The following SEMA3A variants were observed in gnomAD, a reference collection of about 807,000 sequenced individuals.
The protein encoded by SEMA3A is semaphorin 3A.
In SEMA3A, 29 loss-of-function variants were observed where a neutral mutation model predicts 97.9. That is an observed-to-expected ratio of 0.30 (90% CI 0.22 to 0.40). The LOEUF (loss-of-function observed/expected upper bound fraction) is 0.40, where lower values mean the gene tolerates loss of function less well. Ranked by LOEUF, SEMA3A falls within the 10% of genes least tolerant of loss-of-function variation. The pLI is 1.00. For missense variants in SEMA3A, 763 were observed against 951.3 expected, an observed-to-expected ratio of 0.80 and a Z score of 2.60; for synonymous variants, 321 against 323.7, an observed-to-expected ratio of 0.99 and a Z score of 0.09.
At chr7:84,340,624 CA>C (rs551936236) in intron 2 of SEMA3A, among the ~76,000 whole-genome samples, 1 of 151,234 alleles carries the variant, frequency 6.6e-6, no homozygotes, top group Non-Finnish European at 1.5e-5. Context: ...ACTAAAAATA[CA>C]AAAAATTAGC....
chr7:84,330,645 T>C (rs1801887958), intron 2 of SEMA3A, among the ~76,000 whole-genome samples: 1 of 152,158 alleles, frequency 6.6e-6, no homozygotes, highest in Non-Finnish European at 1.5e-5. Flanking sequence ...ATTGACTTTC[T>C]ATCACTTTTT....
chr7:84,180,050 G>T (rs1035154113), intron 1 of SEMA3A, among the ~76,000 whole-genome samples: 3 of 148,358 alleles, frequency 2.0e-5, no homozygotes, highest in Admixed American at 6.8e-5. Context: ...GGGTTCAAGC[G>T]ATTCTCCTGC....
intron 1 of SEMA3A, among the ~76,000 whole-genome samples, chr7:84,418,691 A>C (rs1804501079): frequency 6.6e-6 from 1 of 151,890 alleles, no homozygotes; most frequent in African/African-American, 2.4e-5. Flanking sequence ...GTACTCTGGC[A>C]CTTGTACCAG....
intron 1 of SEMA3A, among the ~76,000 whole-genome samples, chr7:84,142,856 C>T (rs997407824): frequency 7.9e-5 from 12 of 152,080 alleles, no homozygotes; most frequent in Non-Finnish European, 1.5e-4. Context: ...TCTCAGAGTC[C>T]GCATGACTTA....
intron 3 of SEMA3A, among the ~76,000 whole-genome samples, chr7:84,225,692 G>A (rs1798975020): frequency 6.6e-6 from 1 of 152,082 alleles, no homozygotes; most frequent in Middle Eastern, 3.2e-3. Context: ...TCATCTCACG[G>A]AGGCAACACA....
intron 1 of SEMA3A, among the ~76,000 whole-genome samples, chr7:84,401,081 T>C (rs895337617): frequency 6.6e-6 from 1 of 152,176 alleles, no homozygotes; most frequent in Non-Finnish European, 1.5e-5. Flanking sequence ...GAAGTCAAAT[T>C]GTCCTTGCAG....
intron 6 of SEMA3A, among the ~76,000 whole-genome samples, chr7:84,027,200 C>G (rs1220989807): frequency 1.3e-5 from 2 of 152,130 alleles, no homozygotes; most frequent in African/African-American, 4.8e-5. Context: ...TCTCTGCTAC[C>G]TAGTCCCTGG....
chr7:83,960,782 A>G lies in SEMA3A; in HGVS notation c.*589T>C, dbSNP rs1788433358. On this transcript the variant is annotated 3_prime_UTR_variant, in exon 17 of 17. Transcript: ENST00000265362. Reference sequence around the variant, plus strand: ...AGCTGAAAGAAGACATCAGTAGTAGATCAGTGTATTCCATTTTTCTTCTGG... The same window carrying G: ...AGCTGAAAGAAGACATCAGTAGTAGGTCAGTGTATTCCATTTTTCTTCTGG... The G allele has an allele frequency of 6.5e-6, 1 of 153,824 alleles. No homozygotes were observed. The highest frequency in any genetic ancestry group is 1.4e-5 in the Non-Finnish European group (1 of 69,030). 9.5% of individuals were successfully genotyped at this position (153,824 alleles called of 1,614,324 possible). A position where few individuals can be genotyped will look rare whatever the true frequency, so the allele number is the denominator to read the frequency against.
At chr7:84,191,241 A>T (rs190549425) in intron 1 of SEMA3A, among the ~76,000 whole-genome samples, 1 of 149,628 alleles carries the variant, frequency 6.7e-6, no homozygotes. Context: ...AAAAAAAAAA[A>T]CAACTTTAGA....
At chr7:84,424,761 T>C (rs1253005677) in intron 1 of SEMA3A, among the ~76,000 whole-genome samples, 3 of 100,964 alleles carry the variant, frequency 3.0e-5, no homozygotes, top group Non-Finnish European at 5.2e-5. Flanking sequence ...ATATTACATA[T>C]TTAGATATAA....
rs1001957271 is a variant in SEMA3A, at chr7:84,246,617, T to A, written c.-82-51949A>T. On this transcript the variant is annotated intron_variant, in intron 3 of 3. Transcript: ENST00000424555. Reference sequence around the variant, plus strand: ...AGTAATCATATAAATGCAAATGAACTAATAATTGCTACTAATTTGTCAAAA... The same window carrying A: ...AGTAATCATATAAATGCAAATGAACAAATAATTGCTACTAATTTGTCAAAA... 3.3e-5 allele frequency among the ~76,000 whole-genome samples: 5 copies of A among 152,262 alleles called. 1 individual carries two copies. The highest frequency in any genetic ancestry group is 1.2e-4 in the African/African-American group (5 of 41,578).
chr7:83,971,775 A>T (rs577319721), intron 15 of SEMA3A, among the ~76,000 whole-genome samples: 1 of 152,316 alleles, frequency 6.6e-6, no homozygotes, highest in East Asian at 1.9e-4. Flanking sequence ...ATACAATGAA[A>T]CCTTAAATAA....
intron 4 of SEMA3A, among the ~76,000 whole-genome samples, chr7:84,096,919 G>T (rs1035671007): frequency 4.6e-5 from 7 of 152,026 alleles, no homozygotes; most frequent in Non-Finnish European, 8.8e-5. Flanking sequence ...AAGATACTGT[G>T]CAATTTTAAC....
intron 2 of SEMA3A, among the ~76,000 whole-genome samples, chr7:84,366,699 C>G (rs1802856407): frequency 6.6e-6 from 1 of 151,236 alleles, no homozygotes; most frequent in South Asian, 2.1e-4. Flanking sequence ...TAAGTCTCCC[C>G]AAGAGATTCA....
chr7:84,362,028 T>C (rs1802735518), intron 2 of SEMA3A, among the ~76,000 whole-genome samples: 1 of 152,030 alleles, frequency 6.6e-6, no homozygotes, highest in Non-Finnish European at 1.5e-5. Context: ...GTTGCTCATA[T>C]AGTTTTGTAT....
At chr7:84,398,501 G>T (rs185508525) in intron 1 of SEMA3A, among the ~76,000 whole-genome samples, 11 of 152,028 alleles carry the variant, frequency 7.2e-5, no homozygotes, top group African/African-American at 2.4e-4. Flanking sequence ...TTAAGGTCTA[G>T]TAATCCTAGT....
chr7:84,305,513 A>G (rs1801132599), intron 3 of SEMA3A, among the ~76,000 whole-genome samples: 3 of 152,008 alleles, frequency 2.0e-5, no homozygotes, highest in African/African-American at 7.2e-5. Flanking sequence ...TTCAATGTGT[A>G]TATTGTCAAT....
chr7:84,200,798 CTT>C (rs33924638), intron 3 of SEMA3A, among the ~76,000 whole-genome samples: 16,060 of 141,592 alleles, frequency 0.11, 922 homozygotes, highest in Non-Finnish European at 0.14. Flanking sequence ...GTTTTTTTTC[CTT>C]TTTTTTTTTT....
intron 6 of SEMA3A, among the ~76,000 whole-genome samples, chr7:84,020,242 A>C (rs1031566616): frequency 6.6e-6 from 1 of 150,836 alleles, no homozygotes; most frequent in Non-Finnish European, 1.5e-5. Context: ...ATAGGGTTTC[A>C]CCATATTGAC....
Sources: allele counts gnomAD v4.1 joint callset (sites outside exome capture counted in the v4.1 genomes callset), GRCh38; gene constraint gnomAD v4.1.1; transcripts MANE v1.5; gene names NCBI Gene and HGNC (gene_info 2026-07-23, HGNC 2026-07-21).